KCTD14: variants seen among roughly 807,000 people sequenced by gnomAD.
KCTD14 encodes the protein BTB/POZ domain-containing protein KCTD14.
In KCTD14, 7 loss-of-function variants were observed where a neutral mutation model predicts 5.9. The observed-to-expected ratio is 1.19, with a 90% CI of 0.68 to 2.23. KCTD14 has a LOEUF of 2.23. KCTD14 is among the 30% of genes most tolerant of loss of function. The pLI, the probability that KCTD14 is intolerant of heterozygous loss-of-function variation, is 0.00. For missense variants in KCTD14, 342 were observed against 332.2 expected (o/e 1.03, Z -0.23); for synonymous variants, 140 against 133.1 (o/e 1.05, Z -0.36).
chr11:78,045,883 C>T (rs902454019), intron 1 of KCTD14, among the ~76,000 whole-genome samples: 1 of 152,152 alleles, frequency 6.6e-6, no homozygotes, highest in Non-Finnish European at 1.5e-5. Flanking sequence ...TCCCCCACCC[C>T]ACCCAGGAAG....
intron 2 of KCTD14, among the ~76,000 whole-genome samples, chr11:78,033,783 T>G (rs1391955901): frequency 6.7e-6 from 1 of 148,334 alleles, no homozygotes. Flanking sequence ...GAGGTAGAGG[T>G]TGCAATGAGC....
intron 1 of KCTD14, 124 bp downstream of exon 1, chr11:78,023,036 C>T (rs1387037857): frequency 3.0e-6 from 2 of 655,758 alleles, no homozygotes; most frequent in Non-Finnish European, 5.3e-6. Context: ...AGGGGGACAG[C>T]GCGCCAGAAG....
chr11:78,024,447 T>C (rs7358445), upstream of KCTD14, among the ~76,000 whole-genome samples: 1,033 of 12,332 alleles, frequency 0.084, 7 homozygotes, highest in African/African-American at 0.11. Flanking sequence ...CACACACACA[T>C]ATATATATAT....
At chr11:78,038,699 A>T in exon 2 of KCTD14, 1 of 1,535,734 alleles carries the variant, frequency 6.5e-7, no homozygotes, top group South Asian at 1.2e-5. Context: ...CCCACAGCAA[A>T]CACAGCAGGG....
chr11:78,031,797 G>C (rs935037833), intron 2 of KCTD14, among the ~76,000 whole-genome samples: 4 of 152,202 alleles, frequency 2.6e-5, no homozygotes, highest in Non-Finnish European at 5.9e-5. Flanking sequence ...CTAACCTCAA[G>C]GGGCCCATTG....
chr11:78,042,523 T>C (rs974554654), intron 1 of KCTD14, among the ~76,000 whole-genome samples: 2 of 150,382 alleles, frequency 1.3e-5, no homozygotes, highest in African/African-American at 4.9e-5. Flanking sequence ...AAAAAAAAAA[T>C]AGAAGAAAGA....
At chr11:78,022,943 G>T in intron 1 of KCTD14, 1 of 550,498 alleles carries the variant, frequency 1.8e-6, no homozygotes. Flanking sequence ...AGCCAAACCA[G>T]AAAGGGACAC....
chr11:78,024,393 AAAAAAT>A (rs1166115156), upstream of KCTD14, among the ~76,000 whole-genome samples: 5 of 115,532 alleles, frequency 4.3e-5, no homozygotes, highest in Admixed American at 1.1e-4. Flanking sequence ...AAAAAAAAAA[AAAAAAT>A]ATATATATAT....
upstream of KCTD14, chr11:78,023,496 C>A: frequency 2.0e-6 from 1 of 493,216 alleles, no homozygotes; most frequent in Non-Finnish European, 3.6e-6. Flanking sequence ...AGATTAATTT[C>A]CTTCCTTTTC....
At chr11:78,026,408 A>T (rs1439251782), upstream of KCTD14, among the ~76,000 whole-genome samples, 1 of 151,902 alleles carries the variant, frequency 6.6e-6, no homozygotes, top group Non-Finnish European at 1.5e-5. Flanking sequence ...GCACCATTAC[A>T]CTCCAGCCTG....
At chr11:78,042,617 C>T (rs753123511) in intron 1 of KCTD14, among the ~76,000 whole-genome samples, 1 of 152,210 alleles carries the variant, frequency 6.6e-6, no homozygotes, top group Non-Finnish European at 1.5e-5. Flanking sequence ...TGGCCACCTT[C>T]GTGTTGAAGC....
chr11:78,028,123 T>G (rs146001043), upstream of KCTD14, among the ~76,000 whole-genome samples: 77 of 152,194 alleles, frequency 5.1e-4, no homozygotes, highest in African/African-American at 1.6e-3. Context: ...TAGTACCGAG[T>G]ATATACCCTT....
upstream of KCTD14, chr11:78,023,527 T>G: frequency 2.3e-6 from 1 of 428,246 alleles, no homozygotes; most frequent in South Asian, 2.8e-5. Flanking sequence ...TCTTTTTTTT[T>G]TTTCAGAGAC....
At chr11:78,040,308 C>T (rs936410457) in intron 1 of KCTD14, among the ~76,000 whole-genome samples, 5 of 152,154 alleles carry the variant, frequency 3.3e-5, no homozygotes, top group Non-Finnish European at 5.9e-5. Context: ...TTTCCTTTCT[C>T]CTGTCTTCTC....
upstream of KCTD14, among the ~76,000 whole-genome samples, chr11:78,025,118 GTATATATATATATATATA>G (rs369374652): frequency 0.07 from 3,092 of 44,458 alleles, 163 homozygotes; most frequent in African/African-American, 0.2. Context: ...GTGTGTGTGT[GTATATATATATATATATA>G]TATATATATA....
At chr11:78,028,656 T>C (rs926820649) in intron 2 of KCTD14, among the ~76,000 whole-genome samples, 2 of 149,724 alleles carry the variant, frequency 1.3e-5, no homozygotes, top group Admixed American at 6.7e-5. Context: ...TATTGTTATG[T>C]GGAGCCAGGC....
intron 1 of KCTD14, among the ~76,000 whole-genome samples, chr11:78,020,645 T>A (rs1857282474): frequency 6.6e-6 from 1 of 152,226 alleles, no homozygotes; most frequent in African/African-American, 2.4e-5. Context: ...TATGTTCTCA[T>A]TACTCCTACA....
chr11:78,022,437 G>A (rs1175950209), intron 1 of KCTD14, among the ~76,000 whole-genome samples: 1 of 152,100 alleles, frequency 6.6e-6, no homozygotes, highest in Non-Finnish European at 1.5e-5. Context: ...GGTGGTCCTG[G>A]CACTAGGCAT....
At chr11:78,026,094 G>C (rs1023167615), upstream of KCTD14, among the ~76,000 whole-genome samples, 2 of 152,170 alleles carry the variant, frequency 1.3e-5, no homozygotes, top group Non-Finnish European at 2.9e-5. Flanking sequence ...CTCAGGTCAT[G>C]TGCCCAAGGT....
Sources: gnomAD v4.1 joint callset for allele counts (sites outside exome capture counted in the v4.1 genomes callset) on GRCh38, gnomAD v4.1.1 for gene constraint, MANE v1.5 for transcripts, NCBI Gene and HGNC (gene_info 2026-07-23, HGNC 2026-07-21) for gene names.